The following TMEM163 variants were observed in gnomAD, a reference collection of about 807,000 sequenced individuals.
The protein encoded by TMEM163 is transmembrane protein 163.
Under a neutral mutation model 29.3 loss-of-function variants are expected in TMEM163, and 17 were observed. That is an observed-to-expected ratio of 0.58 (90% CI 0.40 to 0.87). The LOEUF is 0.87. Among genes scored for constraint, TMEM163 ranks in the 40% least tolerant of loss-of-function variants. The probability of loss-of-function intolerance (pLI) is 0.00; values close to 1 mark genes in which losing one functional copy is unlikely to be tolerated. For synonymous variants in TMEM163, 157 were observed against 160.6 expected, an observed-to-expected ratio of 0.98 and a Z score of 0.17; for missense variants, 303 against 381.5, an observed-to-expected ratio of 0.79 and a Z score of 1.71.
At chr2:134,612,452 A>T (rs1230664017) in intron 2 of TMEM163, among the ~76,000 whole-genome samples, 1 of 151,998 alleles carries the variant, frequency 6.6e-6, no homozygotes, top group African/African-American at 2.4e-5. Context: ...CCAGTCTCTC[A>T]TCCAGAGCAG....
At chr2:134,696,242 T>C (rs757224321) in intron 2 of TMEM163, among the ~76,000 whole-genome samples, 1 of 152,206 alleles carries the variant, frequency 6.6e-6, no homozygotes, top group Non-Finnish European at 1.5e-5. Flanking sequence ...CCAATTTCCA[T>C]ATATGTGGTT....
intron 2 of TMEM163, among the ~76,000 whole-genome samples, chr2:134,629,987 T>C (rs1682932172): frequency 6.6e-6 from 1 of 152,198 alleles, no homozygotes; most frequent in South Asian, 2.1e-4. Context: ...ATGAATTATA[T>C]ATCAATATCA....
chr2:134,491,429 C>T (rs1320996512), intron 5 of TMEM163, among the ~76,000 whole-genome samples: 1 of 152,218 alleles, frequency 6.6e-6, no homozygotes, highest in Non-Finnish European at 1.5e-5. Context: ...TCAGAATCTT[C>T]TGAGAGACTG....
intron 2 of TMEM163, among the ~76,000 whole-genome samples, chr2:134,606,015 C>T (rs12622940): frequency 0.041 from 6,168 of 152,152 alleles, 221 homozygotes; most frequent in Middle Eastern, 0.14. Flanking sequence ...TCCTTTTAAA[C>T]AATTGAGTAT....
chr2:134,703,978 G>T (rs1428780306), intron 2 of TMEM163, among the ~76,000 whole-genome samples: 2 of 151,714 alleles, frequency 1.3e-5, no homozygotes. Context: ...GATTTTGTCA[G>T]CTACTTCTCT....
chr2:134,649,974 C>T (rs1055074120), intron 2 of TMEM163, among the ~76,000 whole-genome samples: 3 of 138,030 alleles, frequency 2.2e-5, no homozygotes, highest in Non-Finnish European at 4.5e-5. Context: ...CACTGCACTC[C>T]AGCCTGGGCA....
chr2:134,627,997 A>T (rs929016915), intron 2 of TMEM163, among the ~76,000 whole-genome samples: 1 of 152,228 alleles, frequency 6.6e-6, no homozygotes, highest in Non-Finnish European at 1.5e-5. Context: ...GTTGTCATTC[A>T]ATCAGATTAG....
intron 4 of TMEM163, 115 bp downstream of exon 4, chr2:134,550,455 A>G: frequency 1.1e-6 from 1 of 926,984 alleles, no homozygotes; most frequent in Non-Finnish European, 1.7e-6. Flanking sequence ...CAACCTGGGG[A>G]CCTTCTTCTC....
chr2:134,580,803 C>T (rs1574254289), intron 2 of TMEM163, among the ~76,000 whole-genome samples: 1 of 152,146 alleles, frequency 6.6e-6, no homozygotes, highest in African/African-American at 2.4e-5. Flanking sequence ...ATCCCATGTA[C>T]TCAGGGGGCT....
chr2:134,477,526 C>T (rs941154912), intron 5 of TMEM163, among the ~76,000 whole-genome samples: 1 of 152,302 alleles, frequency 6.6e-6, no homozygotes, highest in African/African-American at 2.4e-5. Context: ...AATTTCTGGA[C>T]AATCCAAATA....
chr2:134,507,194 G>A (rs1679843950), intron 4 of TMEM163, among the ~76,000 whole-genome samples: 1 of 152,040 alleles, frequency 6.6e-6, no homozygotes, highest in Non-Finnish European at 1.5e-5. Context: ...AAATTAGCTG[G>A]GCATGGTGGT....
At chr2:134,701,916 CAAAAAAAA>C (rs71301801) in intron 2 of TMEM163, among the ~76,000 whole-genome samples, 1 of 66,558 alleles carries the variant, frequency 1.5e-5, no homozygotes, top group Non-Finnish European at 3.4e-5. Context: ...AAAACTGTCT[CAAAAAAAA>C]AAAAAAAAAA....
chr2:134,615,067 A>G (rs1682580350), intron 2 of TMEM163, among the ~76,000 whole-genome samples: 1 of 152,174 alleles, frequency 6.6e-6, no homozygotes, highest in Non-Finnish European at 1.5e-5. Flanking sequence ...AGACACACAG[A>G]CACACAAGTG....
At chr2:134,535,881 C>A (rs1680530041) in intron 4 of TMEM163, among the ~76,000 whole-genome samples, 1 of 152,026 alleles carries the variant, frequency 6.6e-6, no homozygotes, top group Non-Finnish European at 1.5e-5. Context: ...CACCACGACG[C>A]CTGGCTTATT....
intron 5 of TMEM163, among the ~76,000 whole-genome samples, chr2:134,502,372 G>A (rs898936147): frequency 2.0e-5 from 3 of 152,146 alleles, no homozygotes; most frequent in Non-Finnish European, 2.9e-5. Context: ...AAGAATCAGA[G>A]TGCCGGTAAT....
At chr2:134,589,875 C>T (rs1209564457) in intron 2 of TMEM163, among the ~76,000 whole-genome samples, 3 of 152,066 alleles carry the variant, frequency 2.0e-5, no homozygotes, top group Non-Finnish European at 4.4e-5. Context: ...ACAGAATGAC[C>T]CATTGAGCAC....
chr2:134,518,826 C>T (rs993158321), intron 4 of TMEM163, among the ~76,000 whole-genome samples: 2 of 152,198 alleles, frequency 1.3e-5, no homozygotes, highest in Non-Finnish European at 2.9e-5. Flanking sequence ...GTCCAATCTG[C>T]TGCCTTTCTT....
At chr2:134,486,468 A>C (rs1679316961) in intron 5 of TMEM163, among the ~76,000 whole-genome samples, 1 of 152,226 alleles carries the variant, frequency 6.6e-6, no homozygotes, top group South Asian at 2.1e-4. Flanking sequence ...ACAAGTAAAC[A>C]CTATTAGCAA....
chr2:134,585,467 A>G (rs842351), intron 2 of TMEM163, among the ~76,000 whole-genome samples: 60,851 of 152,094 alleles, frequency 0.4, 12,980 homozygotes, highest in Middle Eastern at 0.7. Flanking sequence ...GGAATGGCCG[A>G]GTGGGGTGGC....
Sources: allele counts gnomAD v4.1 joint callset (sites outside exome capture counted in the v4.1 genomes callset), GRCh38; gene constraint gnomAD v4.1.1; transcripts MANE v1.5; gene names NCBI Gene and HGNC (gene_info 2026-07-23, HGNC 2026-07-21).